KCNK9: variants seen among roughly 807,000 people sequenced by gnomAD.
KCNK9 encodes the protein potassium channel subfamily K member 9.
In KCNK9, 1 loss-of-function variant was observed where a neutral mutation model predicts 10.8. The observed-to-expected ratio is 0.09, with a 90% CI of 0.03 to 0.44. The LOEUF is 0.44. Ranked by LOEUF, KCNK9 falls within the 20% of genes least tolerant of loss-of-function variation. The pLI, the probability that KCNK9 is intolerant of heterozygous loss-of-function variation, is 0.97. For synonymous variants in KCNK9, 231 were observed against 222.7 expected, an observed-to-expected ratio of 1.04 and a Z score of -0.33; for missense variants, 303 against 515.0, an observed-to-expected ratio of 0.59 and a Z score of 3.98.
At chr8:139,668,641 C>T (rs1816355660) in intron 1 of KCNK9, among the ~76,000 whole-genome samples, 1 of 152,126 alleles carries the variant, frequency 6.6e-6, no homozygotes, top group African/African-American at 2.4e-5. Flanking sequence ...AGGCTGGTGT[C>T]GAACTCCCGA....
chr8:139,691,286 G>A (rs934498285), intron 1 of KCNK9, among the ~76,000 whole-genome samples: 3 of 152,330 alleles, frequency 2.0e-5, no homozygotes, highest in Middle Eastern at 3.4e-3. Context: ...GGATTTCACC[G>A]TGGATACCAG....
chr8:139,649,926 A>G (rs750260121), intron 1 of KCNK9, among the ~76,000 whole-genome samples: 2 of 152,208 alleles, frequency 1.3e-5, no homozygotes, highest in African/African-American at 4.8e-5. Flanking sequence ...GCACTCCCCA[A>G]GGAAAGAGGT....
At chr8:139,630,867 C>T (rs1261716900) in intron 1 of KCNK9, among the ~76,000 whole-genome samples, 1 of 152,256 alleles carries the variant, frequency 6.6e-6, no homozygotes, top group Non-Finnish European at 1.5e-5. Flanking sequence ...CAATCACACT[C>T]TTGCGAGACG....
At chr8:139,608,107 C>G (rs1207804774), downstream of KCNK9, among the ~76,000 whole-genome samples, 2 of 152,206 alleles carry the variant, frequency 1.3e-5, no homozygotes. Flanking sequence ...AAGCACTGCT[C>G]TCTGGATGCG....
At chr8:139,673,624 G>A (rs965843551) in intron 1 of KCNK9, among the ~76,000 whole-genome samples, 19 of 152,224 alleles carry the variant, frequency 1.2e-4, no homozygotes, top group Admixed American at 8.5e-4. Flanking sequence ...TGCACAGCCG[G>A]CAAACAGACT....
intron 1 of KCNK9, among the ~76,000 whole-genome samples, chr8:139,637,784 C>CACACACACACACACACACACACACAA (rs3222953): frequency 6.7e-6 from 1 of 148,348 alleles, no homozygotes; most frequent in African/African-American, 2.5e-5. Context: ...CACACACACA[C>CACACACACACACACACACACACACAA]AATAATAGTA....
At chr8:139,607,674 G>T (rs1008298244), downstream of KCNK9, among the ~76,000 whole-genome samples, 1 of 152,200 alleles carries the variant, frequency 6.6e-6, no homozygotes, top group Non-Finnish European at 1.5e-5. Context: ...AGAGGAGAGG[G>T]AGTCTACAGA....
chr8:139,692,392 G>A (rs1056411922), intron 1 of KCNK9, among the ~76,000 whole-genome samples: 1 of 152,208 alleles, frequency 6.6e-6, no homozygotes, highest in South Asian at 2.1e-4. Flanking sequence ...TGATCATGGG[G>A]TCTCAGGAGA....
intron 1 of KCNK9, among the ~76,000 whole-genome samples, chr8:139,700,048 C>A (rs1817165913): frequency 6.6e-6 from 1 of 151,886 alleles, no homozygotes; most frequent in South Asian, 2.1e-4. Context: ...TGTTCTAGGC[C>A]TAGGAGCATC....
intron 1 of KCNK9, among the ~76,000 whole-genome samples, chr8:139,678,145 G>T (rs993112515): frequency 2.6e-5 from 4 of 152,232 alleles, no homozygotes; most frequent in Non-Finnish European, 4.4e-5. Flanking sequence ...CTGGACTCGT[G>T]TTCCATACAA....
chr8:139,635,755 A>C (rs987975247), intron 1 of KCNK9, among the ~76,000 whole-genome samples: 1 of 152,126 alleles, frequency 6.6e-6, no homozygotes, highest in Admixed American at 6.5e-5. Context: ...AAAATCACCC[A>C]CAACCCCCCC....
intron 1 of KCNK9, among the ~76,000 whole-genome samples, chr8:139,660,102 A>G (rs1244479179): frequency 6.6e-6 from 1 of 152,078 alleles, no homozygotes; most frequent in Non-Finnish European, 1.5e-5. Context: ...GCTGGTCAGA[A>G]CTATTGTATT....
chr8:139,619,476 AAGC>A (rs1814712893), intron 1 of KCNK9, among the ~76,000 whole-genome samples: 2 of 152,158 alleles, frequency 1.3e-5, no homozygotes, highest in African/African-American at 4.8e-5. Context: ...AAAAAGAAAA[AAGC>A]AGATTCACTA....
intron 1 of KCNK9, among the ~76,000 whole-genome samples, chr8:139,651,883 G>T (rs1019336604): frequency 2.6e-5 from 4 of 152,124 alleles, no homozygotes; most frequent in Non-Finnish European, 5.9e-5. Context: ...TCTGGAGTCA[G>T]TATCTCCAGA....
At chr8:139,612,867 A>G (rs531093707), downstream of KCNK9, among the ~76,000 whole-genome samples, 1 of 152,232 alleles carries the variant, frequency 6.6e-6, no homozygotes, top group East Asian at 1.9e-4. Flanking sequence ...ATTATTCTAT[A>G]AGACCCTGGC....
intron 1 of KCNK9, among the ~76,000 whole-genome samples, chr8:139,672,690 T>C (rs889105939): frequency 3.9e-5 from 6 of 152,336 alleles, no homozygotes; most frequent in African/African-American, 1.4e-4. Flanking sequence ...GGAGCCTCTC[T>C]GTCTACAGCA....
intron 1 of KCNK9, among the ~76,000 whole-genome samples, chr8:139,620,862 C>G (rs1292247672): frequency 6.6e-6 from 1 of 152,078 alleles, no homozygotes; most frequent in East Asian, 1.9e-4. Context: ...TTGAAATTAT[C>G]CAATCTGAAG....
intron 1 of KCNK9, among the ~76,000 whole-genome samples, chr8:139,662,864 G>T (rs1816195391): frequency 8.7e-6 from 1 of 114,426 alleles, no homozygotes; most frequent in African/African-American, 4.8e-5. Flanking sequence ...GAAGGGGAGG[G>T]GTGGGGGAAG....
Position 139,702,815 on chromosome 8 carries a change from G to T in KCNK9, c.178C>A (p.Arg60=), listed in dbSNP as rs541632395. ...TGCAGGATCACCAGCTCCAGCTGCC[G>T]GTAGTCCTCGCTGCTGATGTTGTAC... is the stretch of plus-strand genomic sequence containing the variant. ...GKYNISSEDY[R]QLELVILQSE... The change falls in exon 1 of 2, where the codon CGG becomes AGG. Residue 60 remains arginine (R), a synonymous_variant. Transcript: ENST00000520439. This position sits in a 1 kb window ranked among gnomAD's most constrained non-coding sequence, Gnocchi z 7.5. The T allele has an allele frequency of 6.2e-7, 1 of 1,613,982 alleles. No homozygotes were observed. Among genetic ancestry groups the T allele is most frequent in the African/African-American group, 1.3e-5 (1 of 75,018 alleles).
Sources: gnomAD v4.1 joint callset for allele counts (sites outside exome capture counted in the v4.1 genomes callset) on GRCh38, gnomAD v4.1.1 for gene constraint, Gnocchi (gnomAD v3.1) non-coding constraint, MANE v1.5 for transcripts, NCBI Gene and HGNC (gene_info 2026-07-23, HGNC 2026-07-21) for gene names.